ABI3BP: variants seen among roughly 807,000 people sequenced by gnomAD.
ABI3BP encodes ABI family member 3 binding protein.
A neutral mutation model predicts 268.6 loss-of-function variants in ABI3BP; 216 were observed. The observed-to-expected ratio is 0.80, with a 90% CI of 0.72 to 0.90. The LOEUF (loss-of-function observed/expected upper bound fraction) is 0.90. ABI3BP is among the 40% of genes least tolerant of loss of function. ABI3BP has a pLI of 0.00. For synonymous variants in ABI3BP, 730 were observed against 730.0 expected, an observed-to-expected ratio of 1.00 and a Z score of 0.00; for missense variants, 2,090 against 2,182.4, an observed-to-expected ratio of 0.96 and a Z score of 0.84.
At chr3:100,884,245 A>G (rs2040808276) in intron 6 of ABI3BP, among the ~76,000 whole-genome samples, 1 of 152,060 alleles carries the variant, frequency 6.6e-6, no homozygotes, top group African/African-American at 2.4e-5. Flanking sequence ...AAACCTAAAA[A>G]CAAAAAACCA....
chr3:100,948,053 G>C (rs1000512426), intron 1 of ABI3BP, among the ~76,000 whole-genome samples: 2 of 152,148 alleles, frequency 1.3e-5, no homozygotes, highest in Admixed American at 1.3e-4. Flanking sequence ...GCTGAGGGAG[G>C]AAGTAGATGA....
At chr3:100,765,539 C>T (rs2096234008) in intron 63 of ABI3BP, among the ~76,000 whole-genome samples, 1 of 152,196 alleles carries the variant, frequency 6.6e-6, no homozygotes, top group Non-Finnish European at 1.5e-5. Context: ...GTCCAGTTGT[C>T]ACTGGTCCAC....
chr3:100,891,811 G>A (rs188524214), intron 4 of ABI3BP, among the ~76,000 whole-genome samples: 1 of 152,346 alleles, frequency 6.6e-6, no homozygotes, highest in Admixed American at 6.5e-5. Context: ...TGGGTTCTGT[G>A]TGAGATGGAA....
intron 61 of ABI3BP, among the ~76,000 whole-genome samples, chr3:100,773,544 T>C (rs1158259071): frequency 6.6e-6 from 1 of 152,218 alleles, no homozygotes; most frequent in East Asian, 1.9e-4. Flanking sequence ...GAAAACAGTC[T>C]TTTAAAATGT....
At chr3:100,810,624 A>G in intron 48 of ABI3BP, 147 bp from the exon 49 acceptor site, 1 of 552,180 alleles carries the variant, frequency 1.8e-6, no homozygotes, top group Non-Finnish European at 3.1e-6. Context: ...ACTCCTTCAT[A>G]ATGCATTTGG....
intron 37 of ABI3BP, 107 bp from the exon 38 acceptor site, chr3:100,822,779 T>C (rs2098268327): frequency 1.1e-6 from 1 of 944,270 alleles, no homozygotes; most frequent in African/African-American, 1.6e-5. Context: ...TATTTGCCTT[T>C]TAGTTCGAGA....
Position 100,886,189 on chromosome 3 carries a change from T to G in ABI3BP, c.596A>C (p.Glu199Ala). 1.9e-6 allele frequency: 3 copies of G among 1,605,364 alleles called. No individual in the cohort carries two copies. The highest frequency in any genetic ancestry group is 2.6e-6 in the Non-Finnish European group (3 of 1,175,696). ...GAAAATCTTACTCCAAATTCCACCT[T>G]CCACATTGTCTTTCACTCCAAATTC... ...VYEFGVKDNVEGGIWSKIFNH... is the reference protein window; with the variant it reads ...VYEFGVKDNVAGGIWSKIFNH... Residue 199 changes from glutamate (E) to alanine (A), a missense_variant, in exon 5 of 68, where the codon GAA (glutamate) becomes GCA (alanine). Coordinates refer to ENST00000471714, the MANE Select transcript of ABI3BP (RefSeq NM_001375547.2).
Position 100,837,127 on chromosome 3 carries a change from T to C in ABI3BP, c.2128A>G (p.Ile710Val). Reference protein sequence around the residue: ...PFETEAPSMTIVPTTDIEPVT... With the variant: ...PFETEAPSMTVVPTTDIEPVT... Reference sequence around the variant, plus strand: ...AGAAGGAAGAAAGCATCATTACCTATGGTCATTGAGGGAGCTTCAGTTTCA... The same window carrying C: ...AGAAGGAAGAAAGCATCATTACCTACGGTCATTGAGGGAGCTTCAGTTTCA... The change falls in exon 27 of 68, where the codon ATA becomes GTA. Residue 710 changes from isoleucine to valine, a missense_variant. By Grantham distance (29) the Ile-to-Val change is conservative. Transcript: ENST00000471714. 1 of 1,534,304 alleles carries C rather than the reference T, an allele frequency of 6.5e-7. No individual in the cohort carries two copies. Among genetic ancestry groups the C allele is most frequent in the East Asian group, 2.4e-5 (1 of 40,838 alleles).
intron 2 of ABI3BP, among the ~76,000 whole-genome samples, chr3:100,910,558 T>G (rs1344789990): frequency 6.6e-6 from 1 of 151,230 alleles, no homozygotes; most frequent in Non-Finnish European, 1.5e-5. Context: ...AAAAAAAAAA[T>G]AGAGATGGGT....
intron 1 of ABI3BP, among the ~76,000 whole-genome samples, chr3:100,990,430 A>G (rs546829649): frequency 2.5e-4 from 38 of 152,144 alleles, no homozygotes; most frequent in African/African-American, 8.7e-4. Context: ...GAAAAGCTCC[A>G]TTAATAGTCT....
At chr3:100,918,432 G>C (rs1026170064) in intron 2 of ABI3BP, among the ~76,000 whole-genome samples, 2 of 151,972 alleles carry the variant, frequency 1.3e-5, no homozygotes, top group Non-Finnish European at 2.9e-5. Flanking sequence ...GGGGTCCTTA[G>C]CTGCTGGGAG....
intron 2 of ABI3BP, among the ~76,000 whole-genome samples, chr3:100,906,330 A>G (rs955559293): frequency 4.6e-5 from 7 of 152,240 alleles, no homozygotes; most frequent in Non-Finnish European, 1.0e-4. Flanking sequence ...GCCAATTACA[A>G]ATTGGAACAA....
At chr3:100,821,436 C>G (rs1170477803) in intron 38 of ABI3BP, among the ~76,000 whole-genome samples, 1 of 151,982 alleles carries the variant, frequency 6.6e-6, no homozygotes, top group African/African-American at 2.4e-5. Flanking sequence ...TTCCTCCATT[C>G]TGAGCAAAGA....
chr3:100,926,130 T>G (rs2061737757), intron 2 of ABI3BP, among the ~76,000 whole-genome samples, 172 bp downstream of exon 2: 1 of 152,142 alleles, frequency 6.6e-6, no homozygotes, highest in African/African-American at 2.4e-5. Context: ...TTTTTTAATG[T>G]AAAGAATTAT....
At chr3:100,783,247 A>G (rs924762579) in intron 57 of ABI3BP, among the ~76,000 whole-genome samples, 1 of 152,182 alleles carries the variant, frequency 6.6e-6, no homozygotes, top group African/African-American at 2.4e-5. Context: ...AGGCTGGAAG[A>G]TTTAGTTACA....
chr3:100,853,752 C>T (rs961187402), intron 14 of ABI3BP, among the ~76,000 whole-genome samples: 1 of 152,302 alleles, frequency 6.6e-6, no homozygotes. Context: ...ATAAGGCATT[C>T]GCTGGGGAAA....
At chr3:100,775,443 C>A in intron 59 of ABI3BP, 108 bp from the exon 60 acceptor site, 2 of 1,407,848 alleles carry the variant, frequency 1.4e-6, no homozygotes, top group Non-Finnish European at 1.9e-6. Flanking sequence ...TGTGGCTTGG[C>A]ACTATAGACC....
At chr3:100,938,721 A>G (rs1016976328) in intron 1 of ABI3BP, among the ~76,000 whole-genome samples, 6 of 152,172 alleles carry the variant, frequency 3.9e-5, no homozygotes. Context: ...GATGTTATCA[A>G]TTAAGTAATA....
intron 26 of ABI3BP, among the ~76,000 whole-genome samples, chr3:100,837,732 G>A (rs945694493): frequency 6.6e-6 from 1 of 152,136 alleles, no homozygotes; most frequent in African/African-American, 2.4e-5. Context: ...TCCAACCTGC[G>A]TGACAGAGCA....
Sources: allele counts gnomAD v4.1 joint callset (sites outside exome capture counted in the v4.1 genomes callset), GRCh38; gene constraint gnomAD v4.1.1; transcripts MANE v1.5; gene names NCBI Gene and HGNC (gene_info 2026-07-23, HGNC 2026-07-21).